Variants in BTBD9 observed in about 807,000 individuals in gnomAD.
The protein encoded by BTBD9 is BTB/POZ domain-containing protein 9.
A neutral mutation model predicts 64.3 loss-of-function variants in BTBD9; 49 were observed. That is an observed-to-expected ratio of 0.76 (90% CI 0.61 to 0.97). The LOEUF (loss-of-function observed/expected upper bound fraction) is 0.97. Among genes scored for constraint, BTBD9 ranks in the 50% least tolerant of loss-of-function variants. BTBD9 has a pLI of 0.00. For synonymous variants in BTBD9, 260 were observed against 274.7 expected (o/e 0.95, Z 0.53); for missense variants, 598 against 762.1 (o/e 0.78, Z 2.53).
intron 7 of BTBD9, among the ~76,000 whole-genome samples, chr6:38,320,007 C>CTA (rs1218210246): frequency 6.6e-6 from 1 of 152,136 alleles, no homozygotes; most frequent in Non-Finnish European, 1.5e-5. Context: ...AAGGGCTTGT[C>CTA]TAAGTGCTCC....
intron 1 of BTBD9, among the ~76,000 whole-genome samples, chr6:38,620,379 T>C (rs963378491): frequency 6.6e-6 from 1 of 152,228 alleles, no homozygotes; most frequent in African/African-American, 2.4e-5. Context: ...TGCCAGTTTC[T>C]CTTTGCCTTT....
chr6:38,637,813 T>G (rs113205380), intron 1 of BTBD9, among the ~76,000 whole-genome samples: 1 of 152,220 alleles, frequency 6.6e-6, no homozygotes, highest in Non-Finnish European at 1.5e-5. Context: ...AAGCGTAATA[T>G]CCTTTACTTT....
At chr6:38,635,289 C>A (rs1485563361) in intron 1 of BTBD9, among the ~76,000 whole-genome samples, 1 of 152,064 alleles carries the variant, frequency 6.6e-6, no homozygotes, top group Non-Finnish European at 1.5e-5. Context: ...GTGTGCACCA[C>A]CCCACCCAGC....
chr6:38,397,352 T>C (rs929256807), intron 6 of BTBD9, among the ~76,000 whole-genome samples: 6 of 152,148 alleles, frequency 3.9e-5, no homozygotes, highest in African/African-American at 1.4e-4. Flanking sequence ...AATGGAGATG[T>C]AGAAAAGAAG....
At position 38,256,524 on chromosome 6, in the gene BTBD9, A is replaced by C. The variant is rs1349670887; in HGVS notation, c.1455-8T>G. On this transcript the variant is annotated splice_region_variant and splice_polypyrimidine_tract_variant and intron_variant, in intron 8 of 10. Coordinates refer to ENST00000481247, the MANE Select transcript of BTBD9 (RefSeq NM_001099272.2). ...CAATCCCAAAGTAGTAACCTGAACA[A>C]AGGGAAAAACATAAGATTGCTGTAA... 1.3e-6 allele frequency: 2 copies of C among 1,591,412 alleles called. No individual in the cohort carries two copies. Among genetic ancestry groups the C allele is most frequent in the Middle Eastern group, 1.7e-4 (1 of 5,996 alleles).
Position 38,580,209 on chromosome 6 carries a change from A to C in BTBD9, c.1034+9T>G. ...TAATGTCAGTTTCTAAGTCATGCTA[A>C]TCACTTACCGGCTATCTCGGTCCCA... is the stretch of plus-strand genomic sequence containing the variant. On this transcript the variant is annotated intron_variant, in intron 5 of 10. Transcript: ENST00000481247. The C allele has an allele frequency of 6.2e-7, 1 of 1,610,766 alleles. No individual in the cohort carries two copies. Among genetic ancestry groups the C allele is most frequent in the South Asian group, 1.1e-5 (1 of 91,000 alleles).
At chr6:38,513,072 C>A (rs527771732) in intron 6 of BTBD9, among the ~76,000 whole-genome samples, 1 of 152,280 alleles carries the variant, frequency 6.6e-6, no homozygotes, top group African/African-American at 2.4e-5. Context: ...AATGCCTAAC[C>A]ATAGAATCCA....
At chr6:38,358,786 ACGGAGTCTCGCT>A (rs1764832093) in intron 6 of BTBD9, among the ~76,000 whole-genome samples, 1 of 147,016 alleles carries the variant, frequency 6.8e-6, no homozygotes, top group Non-Finnish European at 1.5e-5. Flanking sequence ...TTTTTTTGAG[ACGGAGTCTCGCT>A]CTGTCGCCCA....
intron 6 of BTBD9, among the ~76,000 whole-genome samples, chr6:38,548,881 C>T (rs2035951352): frequency 6.6e-6 from 1 of 152,102 alleles, no homozygotes; most frequent in Non-Finnish European, 1.5e-5. Context: ...TGGATACAGC[C>T]AGGCAGAAAT....
Position 38,509,645 on chromosome 6 carries a change from A to T in BTBD9, c.1154+67955T>A, listed in dbSNP as rs6939524. Among the ~76,000 whole-genome samples the T allele has an allele frequency of 1.9e-3, 286 of 152,158 alleles. 1 individual carries two copies. The highest frequency in any genetic ancestry group is 6.4e-3 in the African/African-American group (266 of 41,532). ...TTAGTAGCAAGCATGTATAAAATAT[A>T]AAAAAAAGGCATAGAATTAACACTT... On this transcript the variant is annotated intron_variant, in intron 6 of 10. Transcript: ENST00000481247.
chr6:38,371,538 C>T (rs1765428090), intron 6 of BTBD9, among the ~76,000 whole-genome samples: 1 of 152,190 alleles, frequency 6.6e-6, no homozygotes, highest in African/African-American at 2.4e-5. Context: ...TGCAGAGGCA[C>T]AGGGTGAACG....
chr6:38,566,858 C>T (rs981228466), intron 6 of BTBD9, among the ~76,000 whole-genome samples: 2 of 152,194 alleles, frequency 1.3e-5, no homozygotes, highest in African/African-American at 4.8e-5. Flanking sequence ...CTGGGAAACG[C>T]GTGCATGCTT....
chr6:38,277,639 C>G (rs1410699217), intron 8 of BTBD9, among the ~76,000 whole-genome samples: 2 of 152,070 alleles, frequency 1.3e-5, no homozygotes, highest in Non-Finnish European at 2.9e-5. Flanking sequence ...CAGCCAGCTA[C>G]AGAACATTTT....
chr6:38,368,711 T>G (rs999276715), intron 6 of BTBD9, among the ~76,000 whole-genome samples: 1 of 152,204 alleles, frequency 6.6e-6, no homozygotes, highest in South Asian at 2.1e-4. Flanking sequence ...CTGTCCAAAA[T>G]ATGTACAAAA....
At chr6:38,629,445 T>C (rs1314065421) in intron 1 of BTBD9, among the ~76,000 whole-genome samples, 6 of 152,106 alleles carry the variant, frequency 3.9e-5, no homozygotes, top group African/African-American at 1.4e-4. Flanking sequence ...CTGAGAAAAA[T>C]ACATCACATC....
rs531485231 is a variant in BTBD9, at chr6:38,425,728, T to G, written c.1155-80635A>C. ...TTTGAGATTAGTTTGGGCAACACAG[T>G]GAGACCCCATCACTACCAATAACTA... On this transcript the variant is annotated intron_variant, in intron 6 of 10. Coordinates refer to ENST00000481247, the MANE Select transcript of BTBD9 (RefSeq NM_001099272.2). Among the ~76,000 whole-genome samples, 6 of 149,814 alleles carry G rather than the reference T, an allele frequency of 4.0e-5. 2 individuals carry two copies. The highest frequency in any genetic ancestry group is 1.5e-4 in the African/African-American group (6 of 40,308).
At chr6:38,387,459 C>T (rs1766228016) in intron 6 of BTBD9, among the ~76,000 whole-genome samples, 1 of 152,128 alleles carries the variant, frequency 6.6e-6, no homozygotes, top group African/African-American at 2.4e-5. Flanking sequence ...ATTGCTTGAG[C>T]CTGGGAGGCA....
At chr6:38,571,300 C>A (rs189190160) in intron 6 of BTBD9, among the ~76,000 whole-genome samples, 56 of 152,152 alleles carry the variant, frequency 3.7e-4, no homozygotes, top group Admixed American at 3.7e-3. Context: ...CAGTTATGGG[C>A]AGAGGTGTAG....
intron 6 of BTBD9, among the ~76,000 whole-genome samples, chr6:38,354,452 T>A (rs899257171): frequency 1.3e-5 from 2 of 152,188 alleles, no homozygotes; most frequent in African/African-American, 4.8e-5. Flanking sequence ...GATAATACTA[T>A]AGGTTCAGCT....
Sources: allele counts gnomAD v4.1 joint callset (sites outside exome capture counted in the v4.1 genomes callset), GRCh38; gene constraint gnomAD v4.1.1; transcripts MANE v1.5; gene names NCBI Gene and HGNC (gene_info 2026-07-23, HGNC 2026-07-21).